The following SCG5 variants were observed in gnomAD, a reference collection of about 807,000 sequenced individuals.
SCG5 encodes the protein neuroendocrine protein 7B2.
SCG5 carries 18 observed loss-of-function variants against 25.7 expected under a neutral mutation model. The ratio of observed to expected loss-of-function variants is 0.70; its 90% CI spans 0.48 to 1.04. SCG5 has a LOEUF of 1.04. Ranked by LOEUF, SCG5 falls within the 50% of genes least tolerant of loss-of-function variation. SCG5 has a pLI of 0.00. For missense variants in SCG5, 206 were observed against 259.8 expected (o/e 0.79, Z 1.42); for synonymous variants, 101 against 91.7 (o/e 1.10, Z -0.58).
intron 5 of SCG5, among the ~76,000 whole-genome samples, chr15:32,695,491 T>A (rs2054941300): frequency 6.6e-6 from 1 of 152,030 alleles, no homozygotes; most frequent in South Asian, 2.1e-4. Context: ...AATGGAAAAA[T>A]ATTTACTCAT....
At chr15:32,651,026 C>T (rs530180716) in intron 2 of SCG5, among the ~76,000 whole-genome samples, 164 of 152,196 alleles carry the variant, frequency 1.1e-3, no homozygotes, top group Non-Finnish European at 1.9e-3. Context: ...GGTGAAACCC[C>T]GTTTCTACTA....
intron 2 of SCG5, among the ~76,000 whole-genome samples, chr15:32,667,641 T>G (rs544701339): frequency 6.6e-6 from 1 of 151,900 alleles, no homozygotes; most frequent in Non-Finnish European, 1.5e-5. Flanking sequence ...TAATAACTAG[T>G]GAATACTGTT....
intron 2 of SCG5, among the ~76,000 whole-genome samples, chr15:32,676,524 A>G (rs773293088): frequency 1.3e-5 from 2 of 152,242 alleles, no homozygotes; most frequent in Non-Finnish European, 2.9e-5. Context: ...AGTGGTGTCT[A>G]TAGTGCCAAC....
Position 32,660,473 on chromosome 15 carries a change from A to G in SCG5, c.226+16655A>G, listed in dbSNP as rs973963678. On this transcript the variant is annotated intron_variant, in intron 2 of 5. Coordinates refer to ENST00000300175, the MANE Select transcript of SCG5 (RefSeq NM_001144757.3). Reference sequence around the variant, plus strand: ...CATCAGCCTCTCTCCAGTCTACCCAAAGGTATCAGGTATCCAGCACTATTC... The same window carrying G: ...CATCAGCCTCTCTCCAGTCTACCCAGAGGTATCAGGTATCCAGCACTATTC... Among the ~76,000 whole-genome samples the G allele has an allele frequency of 3.3e-5, 5 of 152,200 alleles. 1 individual carries two copies. Among genetic ancestry groups the G allele is most frequent in the Non-Finnish European group, 7.3e-5 (5 of 68,034 alleles).
chr15:32,689,999 G>A (rs574022179), intron 4 of SCG5, among the ~76,000 whole-genome samples: 4 of 152,122 alleles, frequency 2.6e-5, no homozygotes, highest in South Asian at 2.1e-4. Flanking sequence ...CCGCCACCAC[G>A]CCCGGCTAAT....
intron 2 of SCG5, among the ~76,000 whole-genome samples, chr15:32,648,810 C>T (rs1179792276): frequency 4.0e-5 from 6 of 150,818 alleles, no homozygotes; most frequent in Non-Finnish European, 8.8e-5. Context: ...CTCACTCTGT[C>T]CCCCAGGCTG....
chr15:32,652,743 T>C (rs969972341), intron 2 of SCG5, among the ~76,000 whole-genome samples: 2 of 152,244 alleles, frequency 1.3e-5, no homozygotes, highest in African/African-American at 4.8e-5. Flanking sequence ...AAATCTCTTT[T>C]CTTTGCCAGC....
intron 2 of SCG5, among the ~76,000 whole-genome samples, chr15:32,651,183 A>G (rs1345737349): frequency 2.0e-5 from 3 of 152,206 alleles, no homozygotes; most frequent in Non-Finnish European, 4.4e-5. Flanking sequence ...GGGCAACAAG[A>G]GCGAAACTCT....
chr15:32,659,879 T>TAA lies in SCG5; in HGVS notation c.226+16073_226+16074dup, dbSNP rs61314216. ...TCTCTGTATCTTGCTTGCTTTCCTTTAAAAAAAAAAAAATCCTCAGCAGAT... is the reference window on the plus strand; with the variant it reads ...TCTCTGTATCTTGCTTGCTTTCCTTTAAAAAAAAAAAAAAATCCTCAGCAGAT... On this transcript the variant is annotated intron_variant, in intron 2 of 5. Coordinates refer to ENST00000300175, the MANE Select transcript of SCG5 (RefSeq NM_001144757.3). Among the ~76,000 whole-genome samples the TAA allele has an allele frequency of 2.7e-5, 4 of 145,766 alleles. No homozygotes were observed. In the East Asian group the frequency reaches 8.0e-4, roughly 29 times the overall value.
intron 2 of SCG5, among the ~76,000 whole-genome samples, chr15:32,644,568 A>G (rs1226591990): frequency 6.6e-6 from 1 of 152,206 alleles, no homozygotes; most frequent in Non-Finnish European, 1.5e-5. Flanking sequence ...ATTTGTTTAT[A>G]AAGAGAATCT....
At chr15:32,687,620 G>C (rs1221250682) in intron 4 of SCG5, among the ~76,000 whole-genome samples, 3 of 152,174 alleles carry the variant, frequency 2.0e-5, no homozygotes, top group African/African-American at 7.2e-5. Flanking sequence ...CATCCTTTAA[G>C]TTAACAGAGT....
chr15:32,647,953 C>T (rs2053970084), intron 2 of SCG5, among the ~76,000 whole-genome samples: 1 of 152,124 alleles, frequency 6.6e-6, no homozygotes, highest in African/African-American at 2.4e-5. Context: ...TGATCTCATT[C>T]ATTCTCTTGA....
chr15:32,657,203 A>ATC (rs2054132679), intron 2 of SCG5, among the ~76,000 whole-genome samples: 1 of 63,738 alleles, frequency 1.6e-5, no homozygotes, highest in Non-Finnish European at 2.9e-5. Flanking sequence ...CCTCCTGTAT[A>ATC]TATATATATG....
chr15:32,663,073 ATATATAAT>A (rs1161539154), intron 2 of SCG5, among the ~76,000 whole-genome samples: 5 of 54,576 alleles, frequency 9.2e-5, no homozygotes, highest in African/African-American at 3.0e-4. Context: ...ATATATATAT[ATATATAAT>A]ATATAATATG....
At chr15:32,654,713 A>G (rs2054086477) in intron 2 of SCG5, among the ~76,000 whole-genome samples, 1 of 151,380 alleles carries the variant, frequency 6.6e-6, no homozygotes, top group Non-Finnish European at 1.5e-5. Flanking sequence ...CACTAGACTG[A>G]GATTTGCAAA....
chr15:32,650,492 C>T (rs2054016782), intron 2 of SCG5, among the ~76,000 whole-genome samples: 1 of 152,192 alleles, frequency 6.6e-6, no homozygotes, highest in African/African-American at 2.4e-5. Flanking sequence ...CATCTTCTCC[C>T]AAGCCCACGG....
intron 2 of SCG5, 75 bp downstream of exon 2, chr15:32,643,893 A>G (rs1268805499): frequency 2.4e-5 from 31 of 1,290,598 alleles, no homozygotes; most frequent in Non-Finnish European, 3.3e-5. Flanking sequence ...TCTCACAACA[A>G]CCTTATAAGT....
At chr15:32,661,355 C>T (rs1003345745) in intron 2 of SCG5, among the ~76,000 whole-genome samples, 8 of 152,220 alleles carry the variant, frequency 5.3e-5, no homozygotes, top group Admixed American at 2.0e-4. Context: ...TGCGGTGGCT[C>T]ATGCCTGTAA....
intron 3 of SCG5, among the ~76,000 whole-genome samples, chr15:32,683,582 TA>T (rs2054653793): frequency 6.6e-6 from 1 of 152,212 alleles, no homozygotes; most frequent in Admixed American, 6.5e-5. Context: ...ATTGCAAACC[TA>T]TTATGTGCCG....
Sources: allele counts gnomAD v4.1 joint callset (sites outside exome capture counted in the v4.1 genomes callset), GRCh38; gene constraint gnomAD v4.1.1; transcripts MANE v1.5; gene names NCBI Gene and HGNC (gene_info 2026-07-23, HGNC 2026-07-21).